GALNT9: variants seen among roughly 807,000 people sequenced by gnomAD.
GALNT9 encodes the protein polypeptide N-acetylgalactosaminyltransferase 9.
Under a neutral mutation model 63.1 loss-of-function variants are expected in GALNT9, and 47 were observed. The observed-to-expected ratio is 0.75, with a 90% confidence interval of 0.59 to 0.95. The LOEUF (loss-of-function observed/expected upper bound fraction) is 0.95, where lower values mean the gene tolerates loss of function less well. Among genes scored for constraint, GALNT9 ranks in the 40% least tolerant of loss-of-function variants. The probability of loss-of-function intolerance (pLI) is 0.00; values close to 1 mark genes in which losing one functional copy is unlikely to be tolerated. For missense variants in GALNT9, 829 were observed against 874.8 expected (o/e 0.95, Z 0.66); for synonymous variants, 396 against 365.7 (o/e 1.08, Z -0.94).
intron 2 of GALNT9, chr12:132,281,029 CCCCTGCAGCCAGCCGCCTGCAGCCAGTG>C (rs1272941444): frequency 6.6e-6 from 1 of 152,466 alleles, no homozygotes. Flanking sequence ...TGCAGCCAGC[CCCCTGCAGCCAGCCGCCTGCAGCCAGTG>C]GTTCTTCAGT....
Position 132,282,201 on chromosome 12 carries a change from CAGA to C in GALNT9, c.419+4046_419+4048del, listed in dbSNP as rs372914014. ...CCAGGCCTGGGGGTCCCTGATCCCA[CAGA>C]AGAGGAATCAGCTCCACTGCAGCAA... On this transcript the variant is annotated intron_variant, in intron 2 of 10. Coordinates refer to ENST00000328957, the MANE Select transcript of GALNT9 (RefSeq NM_001122636.2). The surrounding 1 kb of genome is among the most constrained non-coding windows in gnomAD (Gnocchi z 4.5). Among the ~76,000 whole-genome samples, 63 of 123,864 alleles carry C rather than the reference CAGA, an allele frequency of 5.1e-4. 1 individual carries two copies. The highest frequency in any genetic ancestry group is 2.1e-3 in the African/African-American group (42 of 19,952). The allele number at this position is 123,864 out of a possible 152,430, so 81.3% of individuals were successfully genotyped here. A position where few individuals can be genotyped will look rare whatever the true frequency, so the allele number is the denominator to read the frequency against.
intron 9 of GALNT9, among the ~76,000 whole-genome samples, chr12:132,198,175 G>T (rs1215635402): frequency 6.6e-6 from 1 of 152,246 alleles, no homozygotes; most frequent in Non-Finnish European, 1.5e-5. Context: ...GCTCCGCAGG[G>T]CCAGGCTCCC....
intron 2 of GALNT9, chr12:132,284,199 GCA>G (rs1880493236): frequency 6.7e-6 from 1 of 148,238 alleles, no homozygotes; most frequent in Non-Finnish European, 1.5e-5. Context: ...GCATGTGTGT[GCA>G]CACGTGCACA....
rs1440353173 is a variant in GALNT9 at position 132,296,102 on chromosome 12, C to T, written c.239-9672G>A. Among the ~76,000 whole-genome samples, 4 of 150,628 alleles carry T rather than the reference C, an allele frequency of 2.7e-5. No individual in the cohort carries two copies. Among genetic ancestry groups the T allele is most frequent in the Admixed American group, 2.6e-4 (4 of 15,174 alleles). ...GGGAGAGCCTCCGAACAGGGAGAGC[C>T]TCCGAACAGGGAGAGCCTCTGAACA... On this transcript the variant is annotated intron_variant, in intron 1 of 10. Coordinates refer to ENST00000328957, the MANE Select transcript of GALNT9 (RefSeq NM_001122636.2). This position sits in a 1 kb window ranked among gnomAD's most constrained non-coding sequence, Gnocchi z 4.2.
chr12:132,231,045 G>A (rs1877874424), intron 6 of GALNT9, among the ~76,000 whole-genome samples: 1 of 140,000 alleles, frequency 7.1e-6, no homozygotes, highest in Non-Finnish European at 1.5e-5. Flanking sequence ...GGCGACAGAG[G>A]AGACAGCGTG....
chr12:132,206,555 G>A (rs959222022), intron 6 of GALNT9, among the ~76,000 whole-genome samples: 5 of 151,792 alleles, frequency 3.3e-5, no homozygotes, highest in African/African-American at 1.2e-4. Context: ...GCTGAAACAT[G>A]AGAATCTCTT....
In GALNT9 at chr12:132,260,878, G is replaced by A. The variant is rs574585911; in HGVS notation, c.761+70C>T. The A allele has an allele frequency of 3.4e-5, 49 of 1,444,614 alleles. No homozygotes were observed. The East Asian group carries it at 9.4e-4, about 28-fold the overall frequency. 89.5% of individuals were successfully genotyped at this position (1,444,614 alleles called of 1,614,324 possible). On this transcript the variant is annotated intron_variant, in intron 4 of 10. Transcript: ENST00000328957. Reference sequence around the variant, plus strand: ...CCCAGCGGCCAGGCTGCAGCCGCACGGCGGCTTAGGAGGGGGATGGTGGAG... The same window carrying A: ...CCCAGCGGCCAGGCTGCAGCCGCACAGCGGCTTAGGAGGGGGATGGTGGAG...
At chr12:132,212,188 C>A (rs528239900) in intron 6 of GALNT9, among the ~76,000 whole-genome samples, 3 of 148,014 alleles carry the variant, frequency 2.0e-5, no homozygotes, top group Non-Finnish European at 4.5e-5. Flanking sequence ...GGGTCTGCAG[C>A]CTTCAGACCT....
intron 1 of GALNT9, among the ~76,000 whole-genome samples, chr12:132,314,699 G>A (rs1868418587): frequency 6.6e-6 from 1 of 152,250 alleles, no homozygotes; most frequent in Admixed American, 6.5e-5. Flanking sequence ...GGGGGCAGCT[G>A]CTCAGGGCAC....
chr12:132,210,241 G>A (rs886152509), intron 6 of GALNT9, among the ~76,000 whole-genome samples: 31 of 152,240 alleles, frequency 2.0e-4, no homozygotes, highest in African/African-American at 7.2e-4. Context: ...CGTGGGCGTT[G>A]GGTCAAAAAC....
chr12:132,198,185 C>T (rs769842215), intron 9 of GALNT9, among the ~76,000 whole-genome samples: 55 of 152,352 alleles, frequency 3.6e-4, no homozygotes, highest in South Asian at 6.2e-4. Context: ...GCCAGGCTCC[C>T]GGCTTGCACA....
chr12:132,273,572 C>T (rs1555240938), intron 2 of GALNT9: 2 of 152,744 alleles, frequency 1.3e-5, no homozygotes, highest in African/African-American at 4.8e-5. Context: ...CAGCGTCCTC[C>T]CCACTCCGAT....
intron 2 of GALNT9, among the ~76,000 whole-genome samples, chr12:132,264,282 C>A (rs975089761): frequency 2.0e-5 from 3 of 152,224 alleles, no homozygotes; most frequent in African/African-American, 7.2e-5. Context: ...CGCGGAGAAG[C>A]GTGTGAGGAG....
chr12:132,314,893 C>T (rs868969109), intron 1 of GALNT9, among the ~76,000 whole-genome samples: 1 of 152,210 alleles, frequency 6.6e-6, no homozygotes, highest in African/African-American at 2.4e-5. Flanking sequence ...GGGTGGACCT[C>T]GGGTGGCGGA....
Position 132,315,338 on chromosome 12 carries a change from G to A in GALNT9, c.238+13628C>T, listed in dbSNP as rs556617685. On this transcript the variant is annotated intron_variant, in intron 1 of 10. Coordinates refer to ENST00000328957, the MANE Select transcript of GALNT9 (RefSeq NM_001122636.2). This position sits in a 1 kb window ranked among gnomAD's most constrained non-coding sequence, Gnocchi z 6.1. ...TCCCCCGTGTCCACTGCAAAGTGCT[G>A]GAGCCTCAGAATATAATCAGGGCGG... is the stretch of plus-strand genomic sequence containing the variant. Among the ~76,000 whole-genome samples, 1 of 139,494 alleles carries A rather than the reference G, an allele frequency of 7.2e-6. No homozygotes were observed. The highest frequency in any genetic ancestry group is 1.5e-5 in the Non-Finnish European group (1 of 66,084). The allele number at this position is 139,494 out of a possible 152,430, so 91.5% of individuals were successfully genotyped here.
intron 6 of GALNT9, among the ~76,000 whole-genome samples, chr12:132,225,452 C>T (rs2135522941): frequency 6.8e-6 from 1 of 147,204 alleles, no homozygotes; most frequent in African/African-American, 2.5e-5. Context: ...CACCACACAA[C>T]TGAAACTCCA....
At chr12:132,291,025 T>A (rs1555242678) in intron 1 of GALNT9, among the ~76,000 whole-genome samples, 1 of 64,836 alleles carries the variant, frequency 1.5e-5, no homozygotes. Context: ...ACCACCCACA[T>A]CCACAGCGCC....
At chr12:132,247,439 C>A in intron 6 of GALNT9, 1 of 362,754 alleles carries the variant, frequency 2.8e-6, no homozygotes, top group African/African-American at 2.1e-5. Flanking sequence ...CCCCATCTCA[C>A]TGTCCCCAAC....
Position 132,319,516 on chromosome 12 carries a change from G to A in GALNT9, c.238+9450C>T, listed in dbSNP as rs921390209. 6.6e-6 allele frequency among the ~76,000 whole-genome samples: 1 copy of A among 152,158 alleles called. No homozygotes were observed. Among genetic ancestry groups the A allele is most frequent in the African/African-American group, 2.4e-5 (1 of 41,422 alleles). On this transcript the variant is annotated intron_variant, in intron 1 of 10. Transcript: ENST00000328957. The surrounding 1 kb of genome is among the most constrained non-coding windows in gnomAD (Gnocchi z 5.2). The stretch of plus-strand genomic sequence containing the variant: ...CTTCCCGGGCCTGCAGCTTGCAGAC[G>A]GCAGATGATGGGGCCTCTTGGTCTG...
Sources: gnomAD v4.1 joint callset for allele counts (sites outside exome capture counted in the v4.1 genomes callset) on GRCh38, gnomAD v4.1.1 for gene constraint, Gnocchi (gnomAD v3.1) non-coding constraint, MANE v1.5 for transcripts, NCBI Gene and HGNC (gene_info 2026-07-23, HGNC 2026-07-21) for gene names.